PHLDB1: variants seen among roughly 807,000 people sequenced by gnomAD.
PHLDB1 encodes pleckstrin homology-like domain family B member 1.
Under a neutral mutation model 139.3 loss-of-function variants are expected in PHLDB1, and 65 were observed. The observed-to-expected ratio is 0.47, with a 90% CI of 0.38 to 0.57. The LOEUF (loss-of-function observed/expected upper bound fraction) is 0.57. PHLDB1 is among the 20% of genes least tolerant of loss of function. The pLI, the probability that PHLDB1 is intolerant of heterozygous loss-of-function variation, is 0.00. For synonymous variants in PHLDB1, 679 were observed against 734.5 expected (o/e 0.92, Z 1.22); for missense variants, 1,624 against 1,839.7 (o/e 0.88, Z 2.14).
Position 118,614,579 on chromosome 11 carries a change from C to G in PHLDB1, c.81C>G (p.Ile27Met). 1 of 1,613,898 alleles carries G rather than the reference C, an allele frequency of 6.2e-7. No homozygotes were observed. The highest frequency in any genetic ancestry group is 1.1e-5 in the South Asian group (1 of 91,068). ...TACAGAAAGGACCCTTGGACCTGAT[C>G]GAGACAGGCAAAGGGCTGAAAGTGC... ...TMVQKGPLDL[I>M]ETGKGLKVQT... The change falls in exon 3 of 23, where the codon ATC (isoleucine) becomes ATG (methionine). Residue 27 changes from isoleucine to methionine, a missense_variant. Transcript: ENST00000600882.
chr11:118,632,442 C>A lies in PHLDB1; in HGVS notation c.2379+146C>A. On this transcript the variant is annotated intron_variant, in intron 9 of 22. Transcript: ENST00000600882. This position sits in a 1 kb window ranked among gnomAD's most constrained non-coding sequence, Gnocchi z 5.9. ...CTGTGGCTTTCCAGAGACAGAGTGA[C>A]TTCTCCTCCTCTGTGGAAGGAACCA... is the stretch of plus-strand genomic sequence containing the variant. The A allele has an allele frequency of 1.2e-6, 1 of 830,814 alleles. No homozygotes were observed. 51.5% of individuals were successfully genotyped at this position (830,814 alleles called of 1,614,324 possible).
intron 5 of PHLDB1, among the ~76,000 whole-genome samples, chr11:118,626,716 C>T (rs1375077928): frequency 6.6e-6 from 1 of 150,766 alleles, no homozygotes; most frequent in Non-Finnish European, 1.5e-5. Flanking sequence ...GCTGTGTCAC[C>T]CAGGCAGTTC....
rs144530920 is a variant in PHLDB1 at position 118,642,360 on chromosome 11, C to G, written c.2843C>G (p.Pro948Arg). 1.1e-5 allele frequency: 17 copies of G among 1,610,532 alleles called. No individual in the cohort carries two copies. The highest frequency in any genetic ancestry group is 3.3e-4 in the Middle Eastern group (2 of 5,976). ...PAAASPHSSP[P>R]PLPAKASRQL... Reference sequence around the variant, plus strand: ...GCAGCCTCCCCTCACTCTTCTCCCCCGCCTCTGCCCGCCAAAGCTTCCCGT... The same window carrying G: ...GCAGCCTCCCCTCACTCTTCTCCCCGGCCTCTGCCCGCCAAAGCTTCCCGT... The change falls in exon 13 of 23, where the codon CCG (proline) becomes CGG (arginine). Residue 948 changes from proline (P) to arginine (R), a missense_variant. Coordinates refer to ENST00000600882, the MANE Select transcript of PHLDB1 (RefSeq NM_001144758.3).
At chr11:118,653,440 C>G (rs544798779) in intron 20 of PHLDB1, 1 of 152,194 alleles carries the variant, frequency 6.6e-6, no homozygotes, top group Non-Finnish European at 1.5e-5. Context: ...ATCTGTTTTT[C>G]CATGTGACAT....
intron 15 of PHLDB1, chr11:118,644,511 A>G (rs926258599): frequency 4.3e-6 from 2 of 461,182 alleles, no homozygotes; most frequent in South Asian, 2.0e-5. Flanking sequence ...TGCCTGAGAT[A>G]TTGGCTCTGG....
chr11:118,632,453 C>A lies in PHLDB1; in HGVS notation c.2379+157C>A. 2.5e-6 allele frequency: 2 copies of A among 784,476 alleles called. No individual in the cohort carries two copies. Among genetic ancestry groups the A allele is most frequent in the South Asian group, 1.8e-5 (1 of 56,406 alleles). The allele number at this position is 784,476 out of a possible 1,614,324, so 48.6% of individuals were successfully genotyped here. On this transcript the variant is annotated intron_variant, in intron 9 of 22. Coordinates refer to ENST00000600882, the MANE Select transcript of PHLDB1 (RefSeq NM_001144758.3). This position sits in a 1 kb window ranked among gnomAD's most constrained non-coding sequence, Gnocchi z 5.9. ...CAGAGACAGAGTGACTTCTCCTCCT[C>A]TGTGGAAGGAACCAGCTTGGAGGGC...
At chr11:118,606,597 G>A (rs563381473), upstream of PHLDB1, 1 of 152,396 alleles carries the variant, frequency 6.6e-6, no homozygotes, top group African/African-American at 2.4e-5. Context: ...GCAGGTCAAA[G>A]AAGTCCAGTC....
chr11:118,646,969 T>C (rs1947629750), intron 17 of PHLDB1: 1 of 152,112 alleles, frequency 6.6e-6, no homozygotes, highest in Non-Finnish European at 1.5e-5. Context: ...TGGGAAGAAA[T>C]AGTAAATGGG....
At position 118,608,309 on chromosome 11, in the gene PHLDB1, G is replaced by C. The variant is rs781925377; in HGVS notation, c.-22+610G>C. 9.2e-5 allele frequency among the ~76,000 whole-genome samples: 14 copies of C among 152,052 alleles called. No individual in the cohort carries two copies. Among genetic ancestry groups the C allele is most frequent in the Non-Finnish European group, 1.9e-4 (13 of 67,954 alleles). ...GCACTCCCCAAGGCCCCACGTCCTC[G>C]GGGGCCGGGGAGGCCGCCTGGGGCG... On this transcript the variant is annotated intron_variant, in intron 1 of 22. Coordinates refer to ENST00000600882, the MANE Select transcript of PHLDB1 (RefSeq NM_001144758.3). The surrounding 1 kb of genome is among the most constrained non-coding windows in gnomAD (Gnocchi z 6.7).
chr11:118,615,947 G>T, intron 3 of PHLDB1, 94 bp from the exon 4 acceptor site: 1 of 1,014,648 alleles, frequency 9.9e-7, no homozygotes, highest in East Asian at 2.4e-5. Context: ...TGGAGTAGGA[G>T]GTGGAAATAT....
At chr11:118,642,680 T>G (rs1338077608) in intron 13 of PHLDB1, among the ~76,000 whole-genome samples, 5 of 152,266 alleles carry the variant, frequency 3.3e-5, no homozygotes, top group Admixed American at 1.3e-4. Flanking sequence ...TGCCCTGTGC[T>G]GAGCTAGGCT....
At chr11:118,618,860 G>A (rs986165368) in intron 4 of PHLDB1, among the ~76,000 whole-genome samples, 2 of 151,598 alleles carry the variant, frequency 1.3e-5, no homozygotes, top group Admixed American at 6.6e-5. Flanking sequence ...CACACTTCAT[G>A]ACAAGCAGAG....
chr11:118,623,742 G>A (rs1943272081), intron 4 of PHLDB1, among the ~76,000 whole-genome samples: 1 of 151,350 alleles, frequency 6.6e-6, no homozygotes, highest in Admixed American at 6.6e-5. Context: ...CCCTATCTCA[G>A]TTTTTTTTTG....
chr11:118,619,994 G>T (rs529477115), intron 4 of PHLDB1, among the ~76,000 whole-genome samples: 25 of 152,166 alleles, frequency 1.6e-4, no homozygotes, highest in African/African-American at 3.6e-4. Flanking sequence ...TTTAATGAGG[G>T]TGTCTGTGTG....
At chr11:118,634,846 G>A in intron 9 of PHLDB1, 2 of 286,162 alleles carry the variant, frequency 7.0e-6, no homozygotes, top group Admixed American at 4.3e-5. Flanking sequence ...TCCCGCCGCT[G>A]CCGGGCCGGA....
Position 118,628,527 on chromosome 11 carries a change from G to C in PHLDB1, c.1704G>C (p.Arg568=). The change falls in exon 6 of 23, where the codon CGG becomes CGC. Residue 568 remains arginine, a synonymous_variant. Transcript: ENST00000600882. ...VQRKLSSGDL[R]VPVTRERKNS... is the part of the protein sequence containing the mutation. ...GGAAGCTCTCCAGCGGGGACTTGCGGGTGCCTGTCACAAGGGAGCGGAAAA... is the reference window on the plus strand; with the variant it reads ...GGAAGCTCTCCAGCGGGGACTTGCGCGTGCCTGTCACAAGGGAGCGGAAAA... The C allele has an allele frequency of 6.2e-7, 1 of 1,613,260 alleles. No individual in the cohort carries two copies. The highest frequency in any genetic ancestry group is 8.5e-7 in the Non-Finnish European group (1 of 1,180,030).
In PHLDB1 at chr11:118,632,096, T is replaced by A; in HGVS notation, c.2241+43T>A. On this transcript the variant is annotated intron_variant, in intron 8 of 22. Coordinates refer to ENST00000600882, the MANE Select transcript of PHLDB1 (RefSeq NM_001144758.3). This position sits in a 1 kb window ranked among gnomAD's most constrained non-coding sequence, Gnocchi z 5.9. ...TAGCTGGACTCTTCCCTAGGCCAAC[T>A]GAAGGCCCCAGAGAGGGGCCACAGT... 1.2e-6 allele frequency: 2 copies of A among 1,613,558 alleles called. No homozygotes were observed. Among genetic ancestry groups the A allele is most frequent in the Non-Finnish European group, 1.7e-6 (2 of 1,179,648 alleles).
chr11:118,628,770 C>G (rs1379263504), intron 6 of PHLDB1, 120 bp downstream of exon 6: 1 of 860,296 alleles, frequency 1.2e-6, no homozygotes, highest in African/African-American at 1.7e-5. Flanking sequence ...TCAAGGTTCC[C>G]CACCTCCAGG....
intron 4 of PHLDB1, among the ~76,000 whole-genome samples, chr11:118,622,428 C>T (rs782299961): frequency 2.0e-5 from 3 of 152,240 alleles, no homozygotes; most frequent in Admixed American, 6.5e-5. Flanking sequence ...TCTATTAATA[C>T]GGATCCAGCT....
Sources: allele counts gnomAD v4.1 joint callset (sites outside exome capture counted in the v4.1 genomes callset), GRCh38; gene constraint gnomAD v4.1.1; non-coding constraint Gnocchi (gnomAD v3.1); transcripts MANE v1.5; gene names NCBI Gene and HGNC (gene_info 2026-07-23, HGNC 2026-07-21).